The following DPP6 variants were observed in gnomAD, a reference collection of about 807,000 sequenced individuals.
DPP6 encodes the protein A-type potassium channel modulatory protein DPP6.
A neutral mutation model predicts 122.6 loss-of-function variants in DPP6; 69 were observed. That is an observed-to-expected ratio of 0.56 (90% CI 0.46 to 0.69). The LOEUF is 0.69. Among genes scored for constraint, DPP6 ranks in the 30% least tolerant of loss-of-function variants. The pLI, the probability that DPP6 is intolerant of heterozygous loss-of-function variation, is 0.00. For synonymous variants in DPP6, 418 were observed against 433.1 expected, an observed-to-expected ratio of 0.97 and a Z score of 0.43; for missense variants, 928 against 1,116.9, an observed-to-expected ratio of 0.83 and a Z score of 2.41.
intron 6 of DPP6, among the ~76,000 whole-genome samples, chr7:154,641,962 G>A (rs150755056): frequency 3.9e-5 from 6 of 152,264 alleles, no homozygotes; most frequent in African/African-American, 7.2e-5. Flanking sequence ...TGAAAAAATT[G>A]TGTTCCTTTA....
chr7:154,227,189 C>A (rs1800655140), intron 1 of DPP6, among the ~76,000 whole-genome samples: 1 of 42,318 alleles, frequency 2.4e-5, no homozygotes, highest in African/African-American at 7.5e-5. Context: ...AGTCCATTGA[C>A]AGATGAGTGG....
intron 1 of DPP6, among the ~76,000 whole-genome samples, chr7:154,156,927 G>A (rs1585511092): frequency 6.6e-6 from 1 of 152,404 alleles, no homozygotes; most frequent in African/African-American, 2.4e-5. Flanking sequence ...TGGTGGGTGG[G>A]GAGGTATATA....
At chr7:154,082,741 C>T (rs1472867315) in intron 1 of DPP6, among the ~76,000 whole-genome samples, 1 of 151,978 alleles carries the variant, frequency 6.6e-6, no homozygotes. Flanking sequence ...GTCCTGCTGC[C>T]ACCTAGAACT....
At chr7:154,698,165 C>T (rs1284322149) in intron 7 of DPP6, among the ~76,000 whole-genome samples, 1 of 152,088 alleles carries the variant, frequency 6.6e-6, no homozygotes, top group Non-Finnish European at 1.5e-5. Context: ...TACATCCCAA[C>T]CTTTTGATAC....
intron 8 of DPP6, among the ~76,000 whole-genome samples, chr7:154,757,539 G>A (rs912207715): frequency 6.6e-6 from 1 of 152,198 alleles, no homozygotes; most frequent in Non-Finnish European, 1.5e-5. Flanking sequence ...GAGGGCCTTC[G>A]TACGGTGCCT....
At chr7:154,497,544 G>T (rs1163856547) in intron 3 of DPP6, among the ~76,000 whole-genome samples, 2 of 151,904 alleles carry the variant, frequency 1.3e-5, no homozygotes, top group South Asian at 4.2e-4. Context: ...GGGAGGTAGA[G>T]GTTGCAGTAA....
At chr7:154,204,587 C>T (rs1799336555) in intron 1 of DPP6, among the ~76,000 whole-genome samples, 1 of 152,206 alleles carries the variant, frequency 6.6e-6, no homozygotes, top group Admixed American at 6.5e-5. Context: ...GGAAGGGACG[C>T]TGCTCAGACC....
the DPP6 span, among the ~76,000 whole-genome samples, chr7:153,790,614 T>A: frequency 4.6e-5 from 7 of 152,332 alleles, no homozygotes; most frequent in African/African-American, 1.7e-4. Context: ...TGTAAAATGT[T>A]TCCGTTGATA....
chr7:154,000,333 T>C (rs4546569), intron 1 of DPP6, among the ~76,000 whole-genome samples: 39,910 of 152,084 alleles, frequency 0.26, 5,690 homozygotes, highest in East Asian at 0.55. Flanking sequence ...TGCTAGCTCA[T>C]TGCGGATTGG....
At chr7:153,807,439 A>C in the DPP6 span, among the ~76,000 whole-genome samples, 2 of 151,660 alleles carry the variant, frequency 1.3e-5, no homozygotes, top group African/African-American at 2.4e-5. Flanking sequence ...AAAAAAAAAA[A>C]CAAAGACCAT....
chr7:154,768,596 G>A (rs1322268523), intron 8 of DPP6, among the ~76,000 whole-genome samples: 3 of 152,112 alleles, frequency 2.0e-5, no homozygotes, highest in East Asian at 1.9e-4. Flanking sequence ...TTACCCTTGG[G>A]AAGTGTATTC....
At chr7:153,932,902 G>A (rs1041140366) in intron 1 of DPP6, among the ~76,000 whole-genome samples, 11 of 152,124 alleles carry the variant, frequency 7.2e-5, no homozygotes, top group African/African-American at 2.2e-4. Flanking sequence ...GGGACGTGGC[G>A]GGAGGTATTT....
chr7:154,144,815 C>T (rs1796012305), intron 1 of DPP6, among the ~76,000 whole-genome samples: 1 of 151,442 alleles, frequency 6.6e-6, no homozygotes, highest in South Asian at 2.1e-4. Context: ...CTCTCTCTGC[C>T]CTGTGAAGAC....
intron 1 of DPP6, among the ~76,000 whole-genome samples, chr7:154,181,671 CTG>C (rs1302206236): frequency 2.0e-5 from 3 of 151,804 alleles, no homozygotes; most frequent in Non-Finnish European, 4.4e-5. Flanking sequence ...CCTTATCTCT[CTG>C]TGTGTGTTTA....
the DPP6 span, among the ~76,000 whole-genome samples, chr7:153,784,670 G>A: frequency 6.6e-6 from 1 of 152,246 alleles, no homozygotes; most frequent in South Asian, 2.1e-4. Context: ...TGGAACATTG[G>A]ATTTTTAATG....
At chr7:154,884,346 TCACA>T (rs929335468) in intron 21 of DPP6, 23 of 65,118 alleles carry the variant, frequency 3.5e-4, no homozygotes, top group African/African-American at 7.1e-4. Context: ...ATACGCCTAC[TCACA>T]CACACATGCT....
At chr7:153,960,641 ACG>A (rs1011706840) in intron 1 of DPP6, among the ~76,000 whole-genome samples, 1 of 142,114 alleles carries the variant, frequency 7.0e-6, no homozygotes, top group African/African-American at 2.6e-5. Flanking sequence ...CTGTGTGTGC[ACG>A]TGTGTGTGTG....
intron 5 of DPP6, among the ~76,000 whole-genome samples, chr7:154,596,719 T>C (rs7385760): frequency 0.6 from 91,360 of 151,716 alleles, 27,937 homozygotes; most frequent in African/African-American, 0.7. Flanking sequence ...CTGAAGAATG[T>C]GCTGCTTTAT....
chr7:154,710,333 T>C (rs1429635766), intron 7 of DPP6, among the ~76,000 whole-genome samples: 2 of 152,204 alleles, frequency 1.3e-5, no homozygotes, highest in East Asian at 3.9e-4. Context: ...AATAATGCTG[T>C]CATGAATAGA....
Sources: gnomAD v4.1 joint callset for allele counts (sites outside exome capture counted in the v4.1 genomes callset) on GRCh38, gnomAD v4.1.1 for gene constraint, MANE v1.5 for transcripts, NCBI Gene and HGNC (gene_info 2026-07-23, HGNC 2026-07-21) for gene names.